FGF12: variants seen among roughly 807,000 people sequenced by gnomAD.
The protein encoded by FGF12 is fibroblast growth factor 12B.
In FGF12, 14 loss-of-function variants were observed where a neutral mutation model predicts 23.6. That is an observed-to-expected ratio of 0.59 (90% CI 0.39 to 0.93). The LOEUF is 0.93. FGF12 is among the 40% of genes least tolerant of loss of function. The probability of loss-of-function intolerance (pLI) is 0.00; values close to 1 mark genes in which losing one functional copy is unlikely to be tolerated. For synonymous variants in FGF12, 62 were observed against 77.3 expected (o/e 0.80, Z 1.04); for missense variants, 175 against 217.8 (o/e 0.80, Z 1.24).
At chr3:192,364,612 A>T (rs1718887968) in intron 2 of FGF12, among the ~76,000 whole-genome samples, 1 of 152,190 alleles carries the variant, frequency 6.6e-6, no homozygotes, top group Admixed American at 6.6e-5. Context: ...AAAAGCAAAC[A>T]TTCTCCTCCA....
intron 2 of FGF12, among the ~76,000 whole-genome samples, chr3:192,493,175 T>C (rs1723850910): frequency 6.6e-6 from 1 of 152,044 alleles, no homozygotes; most frequent in African/African-American, 2.4e-5. Flanking sequence ...AGGGTCTCAG[T>C]CTAGGTGCTG....
At chr3:192,599,746 C>A (rs557110911) in intron 2 of FGF12, among the ~76,000 whole-genome samples, 1 of 151,918 alleles carries the variant, frequency 6.6e-6, no homozygotes, top group Middle Eastern at 3.4e-3. Flanking sequence ...TTTCATGCAG[C>A]TGTCATTCTA....
intron 2 of FGF12, among the ~76,000 whole-genome samples, chr3:192,489,548 C>G (rs1382152814): frequency 6.6e-6 from 1 of 152,084 alleles, no homozygotes; most frequent in Admixed American, 6.6e-5. Context: ...TGCCTCACTT[C>G]TAGCCAGAAG....
intron 2 of FGF12, among the ~76,000 whole-genome samples, chr3:192,405,665 T>TA (rs1305873531): frequency 0.019 from 2,899 of 150,746 alleles, 101 homozygotes; most frequent in African/African-American, 0.068. Flanking sequence ...TTCGAATAGT[T>TA]TTTCTTTTTG....
At chr3:192,278,524 T>C (rs1165354494) in intron 4 of FGF12, among the ~76,000 whole-genome samples, 1 of 152,202 alleles carries the variant, frequency 6.6e-6, no homozygotes, top group African/African-American at 2.4e-5. Flanking sequence ...TTCCCAAAGC[T>C]GGTCAAGACA....
At chr3:192,574,435 A>G (rs929427666) in intron 2 of FGF12, among the ~76,000 whole-genome samples, 6 of 152,216 alleles carry the variant, frequency 3.9e-5, no homozygotes, top group South Asian at 2.1e-4. Flanking sequence ...ACCCTTTACC[A>G]TATAAACTTT....
chr3:192,259,210 C>T (rs1419826233), intron 4 of FGF12, among the ~76,000 whole-genome samples: 1 of 152,002 alleles, frequency 6.6e-6, no homozygotes, highest in Non-Finnish European at 1.5e-5. Context: ...TGGAAAATAT[C>T]GGTCTGGTAT....
At chr3:192,547,452 C>T (rs1014107780) in intron 2 of FGF12, among the ~76,000 whole-genome samples, 2 of 152,178 alleles carry the variant, frequency 1.3e-5, no homozygotes, top group African/African-American at 2.4e-5. Context: ...CCCCCAATGT[C>T]TCTCTTTCAT....
chr3:192,408,722 G>C lies in FGF12; in HGVS notation c.14-48184C>G. On this transcript the variant is annotated intron_variant, in intron 2 of 5. Coordinates refer to ENST00000445105, the MANE Select transcript of FGF12 (RefSeq NM_004113.6). This position sits in a 1 kb window ranked among gnomAD's most constrained non-coding sequence, Gnocchi z 7.3. ...GTTTACAAAGCAGAGTCTGGACCCA[G>C]GCGGGTAGCGCGCCCCCGGTAGAAA... 2.0e-6 allele frequency: 2 copies of C among 987,294 alleles called. No individual in the cohort carries two copies. Among genetic ancestry groups the C allele is most frequent in the South Asian group, 4.7e-5 (1 of 21,324 alleles). 61.2% of individuals were successfully genotyped at this position (987,294 alleles called of 1,614,324 possible).
rs192077517 is a variant in FGF12, at chr3:192,262,594, A to G, written c.228+72767T>C. ...AAATATCACTACGTTACAACTGCCT[A>G]CAGTATTCAGTACCACACCATATGG... is the stretch of plus-strand genomic sequence containing the variant. On this transcript the variant is annotated intron_variant, in intron 4 of 5. Coordinates refer to ENST00000445105, the MANE Select transcript of FGF12 (RefSeq NM_004113.6). Among the ~76,000 whole-genome samples the G allele has an allele frequency of 2.6e-4, 39 of 152,232 alleles. No individual in the cohort carries two copies. In the East Asian group the frequency reaches 6.6e-3, roughly 26 times the overall value.
At chr3:192,222,802 C>T (rs981503963) in intron 4 of FGF12, among the ~76,000 whole-genome samples, 2 of 152,080 alleles carry the variant, frequency 1.3e-5, no homozygotes, top group Non-Finnish European at 2.9e-5. Context: ...TTCACCAAAC[C>T]GAGTGCTCAT....
At chr3:192,376,025 G>A (rs59078724) in intron 2 of FGF12, among the ~76,000 whole-genome samples, 4,924 of 152,026 alleles carry the variant, frequency 0.032, 285 homozygotes, top group African/African-American at 0.11. Flanking sequence ...CCACATGATG[G>A]GAAAAGCCCA....
intron 4 of FGF12, among the ~76,000 whole-genome samples, chr3:192,302,529 G>A (rs1004629744): frequency 1.3e-5 from 2 of 152,146 alleles, no homozygotes; most frequent in African/African-American, 4.8e-5. Flanking sequence ...TGTTGATGTT[G>A]GGGATTTAAG....
intron 2 of FGF12, among the ~76,000 whole-genome samples, chr3:192,628,688 C>T (rs1193232128): frequency 3.4e-5 from 5 of 149,246 alleles, no homozygotes; most frequent in Non-Finnish European, 5.9e-5. Context: ...AGTATATATA[C>T]ATTTATGTAT....
At chr3:192,254,467 C>T (rs1440347614) in intron 4 of FGF12, among the ~76,000 whole-genome samples, 5 of 151,464 alleles carry the variant, frequency 3.3e-5, no homozygotes, top group Non-Finnish European at 7.4e-5. Context: ...AATATGTATT[C>T]AATTTCCTAT....
At chr3:192,656,305 AC>A (rs1392043632) in intron 2 of FGF12, among the ~76,000 whole-genome samples, 2 of 92,918 alleles carry the variant, frequency 2.2e-5, no homozygotes, top group Admixed American at 1.9e-4. Context: ...ACACACACAC[AC>A]ACACACACAC....
Position 192,567,901 on chromosome 3 carries a change from T to C in FGF12, c.13+159280A>G, listed in dbSNP as rs777223547. ...AGGCTGGAGTGCAGTGGCGCGATCT[T>C]GGCTCACTACAACTTCCCCCTCCTA... On this transcript the variant is annotated intron_variant, in intron 2 of 5. Transcript: ENST00000445105. Among the ~76,000 whole-genome samples, 41 of 151,452 alleles carry C rather than the reference T, an allele frequency of 2.7e-4. 1 individual carries two copies. Among genetic ancestry groups the C allele is most frequent in the Non-Finnish European group, 4.3e-4 (29 of 67,874 alleles).
chr3:192,605,379 CAAAA>C (rs34154107), intron 2 of FGF12, among the ~76,000 whole-genome samples: 2 of 124,586 alleles, frequency 1.6e-5, no homozygotes. Flanking sequence ...GACTCCGTCT[CAAAA>C]AAAAAAAAAA....
At chr3:192,472,781 C>T (rs375539047) in intron 2 of FGF12, among the ~76,000 whole-genome samples, 2 of 152,304 alleles carry the variant, frequency 1.3e-5, no homozygotes, top group East Asian at 3.9e-4. Flanking sequence ...CCACTACTTG[C>T]CCTTCGTTCC....
Sources: gnomAD v4.1 joint callset for allele counts (sites outside exome capture counted in the v4.1 genomes callset) on GRCh38, gnomAD v4.1.1 for gene constraint, Gnocchi (gnomAD v3.1) non-coding constraint, MANE v1.5 for transcripts, NCBI Gene and HGNC (gene_info 2026-07-23, HGNC 2026-07-21) for gene names.